The following ZNF334 variants were observed in gnomAD, a reference collection of about 807,000 sequenced individuals.
ZNF334 encodes zinc finger protein 334.
ZNF334 carries 14 observed loss-of-function variants against 12.4 expected under a neutral mutation model. That is an observed-to-expected ratio of 1.13 (90% confidence interval 0.74 to 1.76). The LOEUF (loss-of-function observed/expected upper bound fraction) is 1.76, where lower values mean the gene tolerates loss of function less well. ZNF334 is among the 40% of genes most tolerant of loss of function. The pLI is 0.00. For synonymous variants in ZNF334, 273 were observed against 269.6 expected (o/e 1.01, Z -0.12); for missense variants, 797 against 804.5 (o/e 0.99, Z 0.11).
At chr20:46,465,063 T>C in the ZNF334 span, 1 of 308,956 alleles carries the variant, frequency 3.2e-6, no homozygotes, top group Non-Finnish European at 6.4e-6. Flanking sequence ...GGAATGCAAG[T>C]AGCGACAGTT....
chr20:46,502,084 C>A lies in ZNF334; in HGVS notation c.1255G>T (p.Ala419Ser). The change falls in exon 5 of 5, where the codon GCC (alanine) becomes TCC (serine). Residue 419 changes from alanine to serine, a missense_variant. Ala to Ser is a moderately conservative substitution (Grantham distance 99). Coordinates refer to ENST00000692313, the MANE Select transcript of ZNF334 (RefSeq NM_001353824.2). ...TGACTTCTTCGATGCACATTGAGGG[C>A]AGATTGACAAAAGAAGGTTTTCTCA... ...ECEKTFFCQSALNVHRRSHTG... is the reference protein window; with the variant it reads ...ECEKTFFCQSSLNVHRRSHTG... 1 of 1,614,168 alleles carries A rather than the reference C, an allele frequency of 6.2e-7. No individual in the cohort carries two copies. The highest frequency in any genetic ancestry group is 1.1e-5 in the South Asian group (1 of 91,080).
intron 1 of ZNF334, 101 bp from the exon 2 acceptor site, chr20:46,512,241 C>T (rs2061678488): frequency 5.0e-6 from 4 of 802,610 alleles, no homozygotes; most frequent in Non-Finnish European, 8.2e-6. Flanking sequence ...AAACATGGCC[C>T]TTTGACCAGT....
the ZNF334 span, among the ~76,000 whole-genome samples, chr20:46,471,194 C>T: frequency 9.2e-5 from 14 of 152,166 alleles, no homozygotes; most frequent in East Asian, 5.8e-4. Context: ...TTTTGGGATT[C>T]GATTTCTCAT....
At chr20:46,499,157 G>C (rs1290900029), downstream of ZNF334, among the ~76,000 whole-genome samples, 1 of 109,540 alleles carries the variant, frequency 9.1e-6, no homozygotes, top group African/African-American at 3.6e-5. Flanking sequence ...CTGGGCGACA[G>C]AGCGAGACTC....
chr20:46,491,902 AC>A, the ZNF334 span: 1 of 154,896 alleles, frequency 6.5e-6, no homozygotes. Context: ...CTGGAGAGAA[AC>A]CCTATGAATG....
downstream of ZNF334, among the ~76,000 whole-genome samples, chr20:46,497,009 G>A (rs963319757): frequency 3.9e-5 from 6 of 152,304 alleles, no homozygotes; most frequent in African/African-American, 1.4e-4. Flanking sequence ...CAGCCTTCCC[G>A]TAATAGCCTG....
chr20:46,463,757 C>G, the ZNF334 span: 1 of 246,670 alleles, frequency 4.1e-6, no homozygotes, highest in East Asian at 8.6e-5. Context: ...GAAGACAGGC[C>G]CTAGGTAAAA....
chr20:46,499,494 G>A (rs1243906271), downstream of ZNF334: 1 of 152,036 alleles, frequency 6.6e-6, no homozygotes, highest in Non-Finnish European at 1.5e-5. Context: ...GAAATTTGGT[G>A]TCTTATTGTG....
chr20:46,509,514 C>A lies in ZNF334; in HGVS notation c.21+2568G>T, dbSNP rs577425120. 22 of 700,896 alleles carry A rather than the reference C, an allele frequency of 3.1e-5. No individual in the cohort carries two copies. In the East Asian group the frequency reaches 5.4e-4, roughly 17 times the overall value. 43.4% of individuals were successfully genotyped at this position (700,896 alleles called of 1,614,324 possible). A position where few individuals can be genotyped will look rare whatever the true frequency, so the allele number is the denominator to read the frequency against. ...AGCATGGGGTCAGCACGTGGGTCAG[C>A]ACATGGGACATCTCTGGGAGGACCA... On this transcript the variant is annotated intron_variant, in intron 2 of 4. Coordinates refer to ENST00000692313, the MANE Select transcript of ZNF334 (RefSeq NM_001353824.2).
the ZNF334 span, chr20:46,492,333 A>T: frequency 6.5e-6 from 1 of 152,872 alleles, no homozygotes; most frequent in Non-Finnish European, 1.5e-5. Context: ...AAAGCCTTTA[A>T]ATATCAGTCA....
At chr20:46,497,081 A>C (rs1365301011), downstream of ZNF334, among the ~76,000 whole-genome samples, 4 of 152,200 alleles carry the variant, frequency 2.6e-5, no homozygotes, top group Non-Finnish European at 5.9e-5. Flanking sequence ...TGCTGCTCTG[A>C]TTGAACTCTA....
chr20:46,486,898 A>G, the ZNF334 span, among the ~76,000 whole-genome samples: 1 of 152,162 alleles, frequency 6.6e-6, no homozygotes, highest in East Asian at 1.9e-4. Context: ...TGAAGCTCAC[A>G]TGATATTCTC....
chr20:46,498,585 A>G (rs912680381), downstream of ZNF334, among the ~76,000 whole-genome samples: 1 of 152,148 alleles, frequency 6.6e-6, no homozygotes, highest in African/African-American at 2.4e-5. Flanking sequence ...CAATTCCTAA[A>G]CCACAAAAAC....
chr20:46,483,199 G>C, the ZNF334 span, among the ~76,000 whole-genome samples: 1 of 152,148 alleles, frequency 6.6e-6, no homozygotes, highest in Non-Finnish European at 1.5e-5. Flanking sequence ...ATTTAATTGA[G>C]AAGAGTTTGT....
chr20:46,497,535 A>G (rs2061043999), downstream of ZNF334, among the ~76,000 whole-genome samples: 1 of 152,246 alleles, frequency 6.6e-6, no homozygotes, highest in South Asian at 2.1e-4. Context: ...TAATTTCATT[A>G]TTGACTGACA....
chr20:46,480,227 A>G, the ZNF334 span, among the ~76,000 whole-genome samples: 2 of 152,188 alleles, frequency 1.3e-5, no homozygotes, highest in African/African-American at 2.4e-5. Context: ...TTTGCCAAGT[A>G]AGGTCACATA....
the ZNF334 span, among the ~76,000 whole-genome samples, chr20:46,466,838 A>G: frequency 6.6e-6 from 1 of 152,202 alleles, no homozygotes; most frequent in African/African-American, 2.4e-5. Context: ...TTGGCAGATT[A>G]TAAAGAAAAA....
the ZNF334 span, among the ~76,000 whole-genome samples, chr20:46,467,828 C>A: frequency 2.1e-3 from 315 of 152,306 alleles, 1 homozygote; most frequent in African/African-American, 6.9e-3. Flanking sequence ...TGTTAGCGAT[C>A]CACGTTACAT....
chr20:46,495,141 G>C (rs2061000629), downstream of ZNF334, among the ~76,000 whole-genome samples: 3 of 151,940 alleles, frequency 2.0e-5, no homozygotes, highest in Non-Finnish European at 2.9e-5. Context: ...AATATCATCT[G>C]CACACCAATG....
Sources: allele counts gnomAD v4.1 joint callset (sites outside exome capture counted in the v4.1 genomes callset), GRCh38; gene constraint gnomAD v4.1.1; transcripts MANE v1.5; gene names NCBI Gene and HGNC (gene_info 2026-07-23, HGNC 2026-07-21).